Variants in STK32B observed in about 807,000 individuals in gnomAD.
The protein encoded by STK32B is serine/threonine kinase 32B, also known as serine/threonine-protein kinase 32B.
In STK32B, 43 loss-of-function variants were observed where a neutral mutation model predicts 52.6. The ratio of observed to expected loss-of-function variants is 0.82; its 90% confidence interval spans 0.64 to 1.05. The LOEUF is 1.05. STK32B is among the 50% of genes least tolerant of loss of function. STK32B has a pLI of 0.00. For synonymous variants in STK32B, 238 were observed against 204.3 expected (o/e 1.17, Z -1.41); for missense variants, 621 against 534.6 (o/e 1.16, Z -1.59).
chr4:5,407,643 A>C (rs1292591972), intron 5 of STK32B, among the ~76,000 whole-genome samples: 1 of 152,024 alleles, frequency 6.6e-6, no homozygotes, highest in East Asian at 1.9e-4. Context: ...CATGGATGGC[A>C]GGAGTTTGGG....
intron 11 of STK32B, among the ~76,000 whole-genome samples, chr4:5,468,858 C>G (rs1229554693): frequency 6.6e-6 from 1 of 151,952 alleles, no homozygotes; most frequent in Non-Finnish European, 1.5e-5. Flanking sequence ...GTCAGGATAT[C>G]GAGACCACGG....
chr4:5,097,349 T>C (rs773712715), intron 1 of STK32B, among the ~76,000 whole-genome samples: 2 of 152,196 alleles, frequency 1.3e-5, no homozygotes, highest in Non-Finnish European at 2.9e-5. Context: ...TTGTATTGAG[T>C]TTACTCTTTG....
chr4:5,089,821 C>G (rs1409964589), intron 1 of STK32B, among the ~76,000 whole-genome samples: 1 of 152,196 alleles, frequency 6.6e-6, no homozygotes, highest in Non-Finnish European at 1.5e-5. Context: ...TTCCCACCAA[C>G]AGTGTAAAAG....
chr4:5,122,462 G>A (rs914340818), intron 1 of STK32B, among the ~76,000 whole-genome samples: 4 of 150,428 alleles, frequency 2.7e-5, no homozygotes, highest in Admixed American at 2.6e-4. Context: ...TATCCATTCA[G>A]TTGTTAACTC....
chr4:5,254,965 A>AATATATATATATATATAT (rs146017036), intron 3 of STK32B, among the ~76,000 whole-genome samples: 8 of 144,410 alleles, frequency 5.5e-5, no homozygotes, highest in South Asian at 2.2e-4. Flanking sequence ...ATCATTCACT[A>AATATATATATATATATAT]ATATATATAT....
intron 3 of STK32B, among the ~76,000 whole-genome samples, chr4:5,207,784 A>G (rs765190500): frequency 6.6e-6 from 1 of 151,842 alleles, no homozygotes; most frequent in Middle Eastern, 3.2e-3. Flanking sequence ...GACTGTGATC[A>G]CTTTTTGCTG....
intron 2 of STK32B, among the ~76,000 whole-genome samples, chr4:5,157,299 T>TAAAAA (rs59362249): frequency 7.9e-5 from 8 of 101,560 alleles, no homozygotes; most frequent in African/African-American, 2.9e-4. Flanking sequence ...TGTGAGGATG[T>TAAAAA]AAAAAAAAAA....
intron 3 of STK32B, among the ~76,000 whole-genome samples, chr4:5,195,719 T>C (rs1721595408): frequency 6.6e-6 from 1 of 152,158 alleles, no homozygotes; most frequent in African/African-American, 2.4e-5. Flanking sequence ...ATTACCTGTG[T>C]TCTAGATGAT....
intron 5 of STK32B, among the ~76,000 whole-genome samples, chr4:5,406,639 C>T (rs1737695841): frequency 6.6e-6 from 1 of 152,188 alleles, no homozygotes; most frequent in Admixed American, 6.5e-5. Flanking sequence ...ACTGCCAAGG[C>T]TTATGGCTTG....
intron 1 of STK32B, among the ~76,000 whole-genome samples, chr4:5,081,480 A>G (rs1184426814): frequency 6.6e-6 from 1 of 151,756 alleles, no homozygotes; most frequent in Non-Finnish European, 1.5e-5. Context: ...CTCCTTTTTC[A>G]TCCTGGTATT....
At chr4:5,459,282 G>GGCCCCCCC (rs1716831935) in intron 8 of STK32B, among the ~76,000 whole-genome samples, 1 of 133,048 alleles carries the variant, frequency 7.5e-6, no homozygotes, top group African/African-American at 2.9e-5. Flanking sequence ...ACCCTGGTGT[G>GGCCCCCCC]CCCCCCCCCC....
At chr4:5,407,253 A>G (rs1479905330) in intron 5 of STK32B, among the ~76,000 whole-genome samples, 2 of 152,078 alleles carry the variant, frequency 1.3e-5, no homozygotes, top group Non-Finnish European at 2.9e-5. Context: ...ATCTGACACT[A>G]CCTCAGCCTG....
intron 1 of STK32B, among the ~76,000 whole-genome samples, chr4:5,099,499 C>G (rs1028556483): frequency 6.0e-5 from 9 of 150,480 alleles, no homozygotes; most frequent in Non-Finnish European, 1.0e-4. Context: ...TAAAAGGCTG[C>G]CTGTGAAAAG....
At chr4:5,251,609 T>C (rs1344020069) in intron 3 of STK32B, among the ~76,000 whole-genome samples, 1 of 152,182 alleles carries the variant, frequency 6.6e-6, no homozygotes, top group Non-Finnish European at 1.5e-5. Context: ...TTTAATTCCA[T>C]GAAGAATGTC....
intron 3 of STK32B, among the ~76,000 whole-genome samples, chr4:5,196,723 AAAAATAAAAT>A (rs57722522): frequency 0.011 from 1,595 of 145,490 alleles, 24 homozygotes; most frequent in African/African-American, 0.035. Context: ...TCTGTCTCAA[AAAAATAAAAT>A]AAAATAAAAT....
At chr4:5,185,948 A>G (rs942650015) in intron 3 of STK32B, among the ~76,000 whole-genome samples, 10 of 152,094 alleles carry the variant, frequency 6.6e-5, no homozygotes, top group African/African-American at 1.4e-4. Context: ...TCTGTCATAC[A>G]TCCTACTGTT....
At chr4:5,197,246 G>A (rs1256327435) in intron 3 of STK32B, among the ~76,000 whole-genome samples, 2 of 152,206 alleles carry the variant, frequency 1.3e-5, no homozygotes, top group African/African-American at 4.8e-5. Context: ...GGTTTGATGT[G>A]GAGCTGGTAG....
chr4:5,085,339 C>G (rs1712672491), intron 1 of STK32B, among the ~76,000 whole-genome samples: 1 of 152,188 alleles, frequency 6.6e-6, no homozygotes. Flanking sequence ...TATACTCTTT[C>G]CTCTTCTTGA....
intron 3 of STK32B, 89 bp from the exon 4 acceptor site, chr4:5,331,131 G>A (rs189632228): frequency 7.6e-7 from 1 of 1,314,270 alleles, no homozygotes; most frequent in African/African-American, 1.5e-5. Flanking sequence ...CTGAGCCTCA[G>A]TTTGCTCTTC....
Sources: gnomAD v4.1 joint callset for allele counts (sites outside exome capture counted in the v4.1 genomes callset) on GRCh38, gnomAD v4.1.1 for gene constraint, MANE v1.5 for transcripts, NCBI Gene and HGNC (gene_info 2026-07-23, HGNC 2026-07-21) for gene names.